The following SLC8A3 variants were observed in gnomAD, a reference collection of about 807,000 sequenced individuals.
SLC8A3 encodes the protein sodium/calcium exchanger 3.
A neutral mutation model predicts 65.4 loss-of-function variants in SLC8A3; 37 were observed. The ratio of observed to expected loss-of-function variants is 0.57; its 90% CI spans 0.44 to 0.74. The LOEUF (loss-of-function observed/expected upper bound fraction) is 0.74, where lower values mean the gene tolerates loss of function less well. Ranked by LOEUF, SLC8A3 falls within the 30% of genes least tolerant of loss-of-function variation. SLC8A3 has a pLI of 0.00. For synonymous variants in SLC8A3, 461 were observed against 444.5 expected (o/e 1.04, Z -0.47); for missense variants, 1,112 against 1,172.1 (o/e 0.95, Z 0.75).
At chr14:70,090,769 T>C (rs752912958) in intron 2 of SLC8A3, among the ~76,000 whole-genome samples, 1 of 152,206 alleles carries the variant, frequency 6.6e-6, no homozygotes, top group Non-Finnish European at 1.5e-5. Flanking sequence ...ATCCCACTTG[T>C]GTGAGCTGCC....
Position 70,168,167 on chromosome 14 carries a change from A to G in SLC8A3, c.256T>C (p.Tyr86His). Reference sequence around the variant, plus strand: ...ATGATGGACACCCCAAGGAACATGTATATCAGGGCCACAAAATAGACAATG... The same window carrying G: ...ATGATGGACACCCCAAGGAACATGTGTATCAGGGCCACAAAATAGACAATG... ...RVIVYFVALI[Y>H]MFLGVSIIAD... Residue 86 changes from tyrosine to histidine, a missense_variant, in exon 2 of 7, where the codon TAC becomes CAC. Tyr to His is a moderately conservative substitution (Grantham distance 83). Coordinates refer to ENST00000356921, the MANE Select transcript of SLC8A3 (RefSeq NM_182932.3). The G allele has an allele frequency of 6.2e-7, 1 of 1,614,144 alleles. No homozygotes were observed. The highest frequency in any genetic ancestry group is 1.3e-5 in the African/African-American group (1 of 75,036).
At chr14:70,086,922 C>T (rs1007052557) in intron 2 of SLC8A3, among the ~76,000 whole-genome samples, 2 of 152,164 alleles carry the variant, frequency 1.3e-5, no homozygotes, top group Non-Finnish European at 2.9e-5. Context: ...CCTCTACTAC[C>T]CAGAGTCAAT....
At chr14:70,164,526 C>T (rs748117190) in intron 2 of SLC8A3, among the ~76,000 whole-genome samples, 3 of 152,002 alleles carry the variant, frequency 2.0e-5, no homozygotes, top group East Asian at 1.9e-4. Context: ...TGATCATTTG[C>T]GAGGCTCATT....
chr14:70,144,126 C>A (rs1324931157), intron 2 of SLC8A3, among the ~76,000 whole-genome samples: 2 of 152,048 alleles, frequency 1.3e-5, no homozygotes, highest in Admixed American at 1.3e-4. Context: ...GGGGGCAGGG[C>A]ACTCAATAGG....
chr14:70,179,626 T>TGGGACAGAAG (rs1210813991), intron 1 of SLC8A3, among the ~76,000 whole-genome samples: 1 of 152,176 alleles, frequency 6.6e-6, no homozygotes. Flanking sequence ...CACATAGTGT[T>TGGGACAGAAG]TGGACAGAAG....
At position 70,101,562 on chromosome 14, in the gene SLC8A3, G is replaced by A. The variant is rs550180648; in HGVS notation, c.1785-40623C>T. 2.6e-5 allele frequency among the ~76,000 whole-genome samples: 4 copies of A among 152,272 alleles called. No homozygotes were observed. The South Asian group carries it at 6.2e-4, about 24-fold the overall frequency. ...ATCACAAAGTTATTCTAAGAGCAATGGAAAGCTACCAAGGGGTTTGGGGCA... is the reference window on the plus strand; with the variant it reads ...ATCACAAAGTTATTCTAAGAGCAATAGAAAGCTACCAAGGGGTTTGGGGCA... On this transcript the variant is annotated intron_variant, in intron 2 of 6. Transcript: ENST00000356921.
At chr14:70,170,731 G>A (rs1201324952) in intron 1 of SLC8A3, among the ~76,000 whole-genome samples, 3 of 152,148 alleles carry the variant, frequency 2.0e-5, no homozygotes, top group African/African-American at 4.8e-5. Context: ...AAACATCAGG[G>A]TGCATATTGT....
intron 2 of SLC8A3, among the ~76,000 whole-genome samples, chr14:70,128,462 C>A (rs1482206608): frequency 1.3e-5 from 2 of 152,186 alleles, no homozygotes; most frequent in Non-Finnish European, 2.9e-5. Context: ...ACAGGCCCTG[C>A]ACTTTCTTCT....
chr14:70,126,882 A>G (rs1894493618), intron 2 of SLC8A3, among the ~76,000 whole-genome samples: 1 of 151,222 alleles, frequency 6.6e-6, no homozygotes, highest in Non-Finnish European at 1.5e-5. Context: ...CTGAACTGGT[A>G]AGTATATAAT....
intron 2 of SLC8A3, among the ~76,000 whole-genome samples, chr14:70,079,221 C>G (rs4902775): frequency 0.35 from 53,616 of 151,334 alleles, 9,632 homozygotes; most frequent in East Asian, 0.43. Context: ...CGGTAGCTCA[C>G]ACCTGTAACC....
chr14:70,140,304 C>T (rs1046000450), intron 2 of SLC8A3, among the ~76,000 whole-genome samples: 1 of 152,160 alleles, frequency 6.6e-6, no homozygotes, highest in African/African-American at 2.4e-5. Context: ...ACTGAGTCCC[C>T]ATGCATCATA....
chr14:70,092,401 T>C (rs1203354311), intron 2 of SLC8A3, among the ~76,000 whole-genome samples: 1 of 152,006 alleles, frequency 6.6e-6, no homozygotes, highest in Non-Finnish European at 1.5e-5. Flanking sequence ...CTCTCAGGGC[T>C]CTTGTGTTGC....
At chr14:70,186,233 C>G (rs533146940) in intron 1 of SLC8A3, among the ~76,000 whole-genome samples, 4 of 152,288 alleles carry the variant, frequency 2.6e-5, no homozygotes, top group African/African-American at 9.6e-5. Context: ...TGTTTGCTTC[C>G]CCTTCCACCA....
At chr14:70,165,267 G>A (rs11158841) in intron 2 of SLC8A3, among the ~76,000 whole-genome samples, 33,293 of 152,042 alleles carry the variant, frequency 0.22, 4,369 homozygotes, top group Admixed American at 0.32. Context: ...AGGATCCCCC[G>A]GGTCACTCAG....
At chr14:70,126,902 CA>C (rs5809465) in intron 2 of SLC8A3, among the ~76,000 whole-genome samples, 27,730 of 149,288 alleles carry the variant, frequency 0.19, 2,690 homozygotes, top group African/African-American at 0.22. Context: ...TGCAAATATT[CA>C]AAAAAAAAAT....
At chr14:70,151,519 G>GA (rs1285125858) in intron 2 of SLC8A3, among the ~76,000 whole-genome samples, 1 of 62,892 alleles carries the variant, frequency 1.6e-5, no homozygotes, top group African/African-American at 7.3e-5. Context: ...TCAGCGTCCT[G>GA]AGGGCAAGTA....
intron 2 of SLC8A3, among the ~76,000 whole-genome samples, chr14:70,138,315 G>C (rs573510357): frequency 4.6e-5 from 7 of 152,186 alleles, no homozygotes; most frequent in Non-Finnish European, 8.8e-5. Context: ...GTTCACTGCT[G>C]CATCTTCAGT....
At chr14:70,122,705 G>A (rs144548497) in intron 2 of SLC8A3, among the ~76,000 whole-genome samples, 208 of 152,134 alleles carry the variant, frequency 1.4e-3, no homozygotes, top group African/African-American at 4.7e-3. Flanking sequence ...ACAAAAAAAC[G>A]TTCAGAGTAG....
chr14:70,156,192 A>G (rs1331885469), intron 2 of SLC8A3, among the ~76,000 whole-genome samples: 2 of 152,224 alleles, frequency 1.3e-5, no homozygotes, highest in Non-Finnish European at 1.5e-5. Context: ...TAAAGAAATT[A>G]TCTGCTTCAC....
Sources: allele counts gnomAD v4.1 joint callset (sites outside exome capture counted in the v4.1 genomes callset), GRCh38; gene constraint gnomAD v4.1.1; transcripts MANE v1.5; gene names NCBI Gene and HGNC (gene_info 2026-07-23, HGNC 2026-07-21).